PTPN14: variants seen among roughly 807,000 people sequenced by gnomAD.
PTPN14 encodes the protein protein tyrosine phosphatase non-receptor type 14, also known as tyrosine-protein phosphatase non-receptor type 14.
PTPN14 carries 53 observed loss-of-function variants against 126.8 expected under a neutral mutation model. The ratio of observed to expected loss-of-function variants is 0.42; its 90% confidence interval spans 0.34 to 0.53. PTPN14 has a LOEUF of 0.53. Ranked by LOEUF, PTPN14 falls within the 20% of genes least tolerant of loss-of-function variation. The probability of loss-of-function intolerance (pLI) is 0.08; values close to 1 mark genes in which losing one functional copy is unlikely to be tolerated. For missense variants in PTPN14, 1,257 were observed against 1,552.9 expected (o/e 0.81, Z 3.20); for synonymous variants, 630 against 599.3 (o/e 1.05, Z -0.75).
chr1:214,505,633 C>A (rs184509658), intron 1 of PTPN14, among the ~76,000 whole-genome samples: 8 of 152,218 alleles, frequency 5.3e-5, no homozygotes, highest in African/African-American at 1.9e-4. Flanking sequence ...CAGTGTCTCA[C>A]GCCTGTAACC....
At chr1:214,514,406 A>G (rs540933468) in intron 1 of PTPN14, among the ~76,000 whole-genome samples, 1 of 152,290 alleles carries the variant, frequency 6.6e-6, no homozygotes, top group East Asian at 1.9e-4. Flanking sequence ...TAGATGCAGC[A>G]TTTGAGGGAA....
Position 214,401,753 on chromosome 1 carries a change from C to T in PTPN14, c.601G>A (p.Ala201Thr). Residue 201 changes from alanine to threonine, a missense_variant, in exon 7 of 19, where the codon GCT (alanine) becomes ACT (threonine). Ala to Thr is a moderately conservative substitution (Grantham distance 58). This residue lies in a region of PTPN14 where 1,021 missense variants were observed against 1,183.3 expected (regional missense o/e 0.86). Transcript: ENST00000366956. ...ACTTCATTGATGTACATCAGTTCAG[C>T]TTCTGCTGGCAGGATTCCACTAAAA... Reference protein sequence around the residue: ...KAHSGILPAEAELMYINEVER... With the variant: ...KAHSGILPAETELMYINEVER... The T allele has an allele frequency of 6.3e-7, 1 of 1,589,878 alleles. No homozygotes were observed. Among genetic ancestry groups the T allele is most frequent in the Non-Finnish European group, 8.6e-7 (1 of 1,160,336 alleles).
intron 1 of PTPN14, among the ~76,000 whole-genome samples, chr1:214,480,321 T>C (rs890947038): frequency 5.9e-5 from 9 of 152,242 alleles, no homozygotes; most frequent in Admixed American, 2.6e-4. Flanking sequence ...CAATATGTTT[T>C]CTTAACCACT....
chr1:214,386,971 T>C (rs1016234112), intron 11 of PTPN14, 49 bp from the exon 12 acceptor site: 7 of 1,494,054 alleles, frequency 4.7e-6, no homozygotes, highest in East Asian at 2.4e-5. Flanking sequence ...CAGACACGGC[T>C]GGTGACTCAC....
At chr1:214,521,316 A>G (rs1655249088) in intron 1 of PTPN14, among the ~76,000 whole-genome samples, 1 of 152,210 alleles carries the variant, frequency 6.6e-6, no homozygotes, top group African/African-American at 2.4e-5. Flanking sequence ...TCTAGCTAAG[A>G]TATAGAAAAG....
intron 3 of PTPN14, among the ~76,000 whole-genome samples, chr1:214,423,432 A>C (rs1571990489): frequency 6.6e-6 from 1 of 152,176 alleles, no homozygotes; most frequent in Admixed American, 6.5e-5. Context: ...TATGGATGGG[A>C]GTGCCATCTA....
chr1:214,367,091 T>A (rs1423001969), intron 17 of PTPN14, among the ~76,000 whole-genome samples: 3 of 152,238 alleles, frequency 2.0e-5, no homozygotes, highest in African/African-American at 7.2e-5. Flanking sequence ...AAGCTCACTC[T>A]TTCATCAGAG....
chr1:214,477,374 C>A (rs972478774), intron 1 of PTPN14, among the ~76,000 whole-genome samples: 5 of 152,150 alleles, frequency 3.3e-5, no homozygotes, highest in African/African-American at 1.2e-4. Flanking sequence ...CGTACATGCA[C>A]CACAAACCCA....
chr1:214,458,029 ATCTATACC>A (rs1192242606), intron 2 of PTPN14, among the ~76,000 whole-genome samples: 1,652 of 148,026 alleles, frequency 0.011, 31 homozygotes, highest in African/African-American at 0.04. Flanking sequence ...CTATATCTAT[ATCTATACC>A]TAGAGAGAGA....
chr1:214,425,125 C>G (rs1659632344), intron 3 of PTPN14, among the ~76,000 whole-genome samples: 1 of 152,124 alleles, frequency 6.6e-6, no homozygotes, highest in Admixed American at 6.5e-5. Context: ...TAGCACCCTA[C>G]TAGCCCAGAA....
chr1:214,405,720 G>T (rs1659151858), intron 5 of PTPN14, among the ~76,000 whole-genome samples: 1 of 151,952 alleles, frequency 6.6e-6, no homozygotes, highest in Non-Finnish European at 1.5e-5. Context: ...ATAATAATAT[G>T]ACAACTAAAT....
At chr1:214,431,729 A>G (rs1020436725) in intron 3 of PTPN14, among the ~76,000 whole-genome samples, 6 of 152,152 alleles carry the variant, frequency 3.9e-5, no homozygotes, top group African/African-American at 1.4e-4. Context: ...AAGTTACTCA[A>G]CCTCTCTGTG....
chr1:214,414,887 C>T (rs1440769106), intron 3 of PTPN14, among the ~76,000 whole-genome samples, 161 bp from the exon 4 acceptor site: 2 of 152,184 alleles, frequency 1.3e-5, no homozygotes, highest in South Asian at 2.1e-4. Flanking sequence ...GTGACCTCTG[C>T]CTGTGTTTAT....
chr1:214,485,867 A>G (rs1429018631), intron 1 of PTPN14, among the ~76,000 whole-genome samples: 1 of 151,886 alleles, frequency 6.6e-6, no homozygotes, highest in African/African-American at 2.4e-5. Flanking sequence ...CTGGGACTAC[A>G]GGCGCCCGCC....
chr1:214,378,352 C>T (rs1658392916), intron 13 of PTPN14, among the ~76,000 whole-genome samples: 1 of 152,094 alleles, frequency 6.6e-6, no homozygotes, highest in Non-Finnish European at 1.5e-5. Context: ...AAAAAAGACT[C>T]CCTACAAATA....
rs1659610506 is a variant in PTPN14, at chr1:214,424,289, T to G, written c.345-9563A>C. ...CAGCCTGGGCAACAGAGTGAGACTCTATTAAAAAAAAAAAAAATCAGAGTA... is the reference window on the plus strand; with the variant it reads ...CAGCCTGGGCAACAGAGTGAGACTCGATTAAAAAAAAAAAAAATCAGAGTA... On this transcript the variant is annotated intron_variant, in intron 3 of 18. Coordinates refer to ENST00000366956, the MANE Select transcript of PTPN14 (RefSeq NM_005401.5). 4.7e-5 allele frequency among the ~76,000 whole-genome samples: 7 copies of G among 148,052 alleles called. No homozygotes were observed. In the South Asian group the frequency reaches 1.5e-3, roughly 31 times the overall value.
chr1:214,479,077 G>T (rs887911245), intron 1 of PTPN14, among the ~76,000 whole-genome samples: 1 of 151,884 alleles, frequency 6.6e-6, no homozygotes, highest in African/African-American at 2.4e-5. Flanking sequence ...CTGGCACAGT[G>T]GCTCATGCCT....
intron 1 of PTPN14, among the ~76,000 whole-genome samples, chr1:214,481,567 T>C (rs958739669): frequency 6.8e-6 from 1 of 147,354 alleles, no homozygotes; most frequent in African/African-American, 2.5e-5. Flanking sequence ...ATCTATTACA[T>C]ATGATTTTTG....
rs748975075 is a variant in PTPN14 at position 214,492,630 on chromosome 1, G to A, written c.-154-27673C>T. On this transcript the variant is annotated intron_variant, in intron 1 of 18. Coordinates refer to ENST00000366956, the MANE Select transcript of PTPN14 (RefSeq NM_005401.5). Reference sequence around the variant, plus strand: ...GGCTACAAAGAATGTGTTGTCGGCCGGGCATGGTGGCTCAGACCTGTAATC... The same window carrying A: ...GGCTACAAAGAATGTGTTGTCGGCCAGGCATGGTGGCTCAGACCTGTAATC... Among the ~76,000 whole-genome samples, 6 of 152,286 alleles carry A rather than the reference G, an allele frequency of 3.9e-5. No individual in the cohort carries two copies. The East Asian group carries it at 5.8e-4, about 15-fold the overall frequency.
Sources: gnomAD v4.1 joint callset for allele counts (sites outside exome capture counted in the v4.1 genomes callset) on GRCh38, gnomAD v4.1.1 for gene constraint, gnomAD v4.1.1 regional missense constraint, MANE v1.5 for transcripts, NCBI Gene and HGNC (gene_info 2026-07-23, HGNC 2026-07-21) for gene names.